Variants in ACOXL observed in about 807,000 individuals in gnomAD.
ACOXL encodes the protein acyl-CoA oxidase like, also known as acyl-coenzyme A oxidase-like protein.
A neutral mutation model predicts 71.9 loss-of-function variants in ACOXL; 70 were observed. That is an observed-to-expected ratio of 0.97 (90% CI 0.80 to 1.19). The LOEUF (loss-of-function observed/expected upper bound fraction) is 1.19. ACOXL is among the 50% of genes most tolerant of loss of function. The pLI is 0.00. For synonymous variants in ACOXL, 253 were observed against 281.6 expected, an observed-to-expected ratio of 0.90 and a Z score of 1.02; for missense variants, 703 against 736.3, an observed-to-expected ratio of 0.95 and a Z score of 0.52.
chr2:111,048,192 C>T (rs1487308846), intron 15 of ACOXL, among the ~76,000 whole-genome samples: 4 of 152,114 alleles, frequency 2.6e-5, no homozygotes, highest in East Asian at 3.9e-4. Context: ...TGGGATGGGA[C>T]CAGAGGGCAA....
intron 14 of ACOXL, among the ~76,000 whole-genome samples, chr2:111,001,747 C>T (rs111295614): frequency 1.3e-5 from 2 of 152,306 alleles, no homozygotes; most frequent in African/African-American, 4.8e-5. Context: ...AGGATCTGTA[C>T]TTAAGGAATA....
chr2:110,815,846 G>A (rs1225433987), intron 9 of ACOXL, among the ~76,000 whole-genome samples: 1 of 152,176 alleles, frequency 6.6e-6, no homozygotes, highest in Non-Finnish European at 1.5e-5. Flanking sequence ...GTCTTGCTTG[G>A]GGTGCCTCAC....
intron 12 of ACOXL, among the ~76,000 whole-genome samples, chr2:110,937,022 CT>C (rs1186927210): frequency 6.6e-6 from 1 of 151,984 alleles, no homozygotes; most frequent in Non-Finnish European, 1.5e-5. Context: ...AATTTTTGTA[CT>C]TTTAGTAGAG....
intron 10 of ACOXL, among the ~76,000 whole-genome samples, chr2:110,849,706 C>T (rs974048814): frequency 3.9e-5 from 6 of 152,076 alleles, no homozygotes; most frequent in East Asian, 1.9e-4. Flanking sequence ...TGCAGTGAGC[C>T]GCGATTGCAC....
rs749963132 is a variant in ACOXL, at chr2:110,852,699, C to T, written c.788+11294C>T. Among the ~76,000 whole-genome samples the T allele has an allele frequency of 5.3e-5, 8 of 152,156 alleles. 1 individual carries two copies. In the South Asian group the frequency reaches 6.2e-4, roughly 12 times the overall value. ...CTGGAGGGGCAGCACAAACCCTGTTCGCTGTGGCCAATGCAGAAGGAGTTG... is the reference window on the plus strand; with the variant it reads ...CTGGAGGGGCAGCACAAACCCTGTTTGCTGTGGCCAATGCAGAAGGAGTTG... On this transcript the variant is annotated intron_variant, in intron 10 of 17. Coordinates refer to ENST00000439055, the MANE Select transcript of ACOXL (RefSeq NM_001142807.4).
chr2:110,859,699 G>A (rs1693708920), intron 10 of ACOXL, among the ~76,000 whole-genome samples: 1 of 152,172 alleles, frequency 6.6e-6, no homozygotes. Context: ...CAAGAGGGTT[G>A]GATGGCAGAC....
At chr2:110,887,216 G>T (rs1697404083) in intron 10 of ACOXL, 1 of 206,230 alleles carries the variant, frequency 4.8e-6, no homozygotes, top group Non-Finnish European at 9.9e-6. Context: ...ATTACACAAT[G>T]CATCAAAATT....
rs187714072 is a variant in ACOXL at position 110,905,152 on chromosome 2, A to G, written c.789-3637A>G. Among the ~76,000 whole-genome samples the G allele has an allele frequency of 3.3e-4, 51 of 152,246 alleles. No individual in the cohort carries two copies. In the East Asian group the frequency reaches 9.9e-3, roughly 29 times the overall value. On this transcript the variant is annotated intron_variant, in intron 10 of 17. Coordinates refer to ENST00000439055, the MANE Select transcript of ACOXL (RefSeq NM_001142807.4). Reference sequence around the variant, plus strand: ...CAACATGAAATGCTCAGGGCATTCCAGGGAAAAGCAACTTCCTGCTTTGGT... The same window carrying G: ...CAACATGAAATGCTCAGGGCATTCCGGGGAAAAGCAACTTCCTGCTTTGGT...
At chr2:110,861,103 C>A (rs984987855) in intron 10 of ACOXL, among the ~76,000 whole-genome samples, 4 of 152,194 alleles carry the variant, frequency 2.6e-5, no homozygotes, top group African/African-American at 9.7e-5. Flanking sequence ...CACTGCACTC[C>A]TGCCTGGGCA....
At chr2:111,112,475 A>G (rs2070053747) in intron 17 of ACOXL, among the ~76,000 whole-genome samples, 1 of 152,248 alleles carries the variant, frequency 6.6e-6, no homozygotes, top group Admixed American at 6.5e-5. Flanking sequence ...TTAGTCAGGC[A>G]TAAGGACTAA....
At chr2:110,918,191 G>T (rs930814235) in intron 11 of ACOXL, among the ~76,000 whole-genome samples, 3 of 152,148 alleles carry the variant, frequency 2.0e-5, no homozygotes, top group African/African-American at 7.2e-5. Flanking sequence ...AAATAGCATG[G>T]TACTGGTACC....
chr2:110,881,806 T>C (rs965721626), intron 10 of ACOXL, among the ~76,000 whole-genome samples: 2 of 152,214 alleles, frequency 1.3e-5, no homozygotes, highest in African/African-American at 4.8e-5. Flanking sequence ...CATGTATCAG[T>C]AGTTAATTCC....
chr2:110,904,122 G>A (rs768202734), intron 10 of ACOXL, among the ~76,000 whole-genome samples: 1 of 152,196 alleles, frequency 6.6e-6, no homozygotes, highest in African/African-American at 2.4e-5. Flanking sequence ...CTTGGGGATT[G>A]TCAGGGTCTT....
At chr2:110,868,560 A>T (rs1406130515) in intron 10 of ACOXL, among the ~76,000 whole-genome samples, 5 of 152,074 alleles carry the variant, frequency 3.3e-5, no homozygotes, top group Admixed American at 6.5e-5. Context: ...CACACATCTT[A>T]TTCATTTTTC....
chr2:110,774,801 C>T (rs112793325), intron 2 of ACOXL, among the ~76,000 whole-genome samples: 7 of 152,118 alleles, frequency 4.6e-5, no homozygotes, highest in African/African-American at 1.2e-4. Flanking sequence ...ATGATTTTTG[C>T]GGAAATAGAA....
chr2:110,959,440 G>A (rs1016808434), intron 12 of ACOXL, among the ~76,000 whole-genome samples: 5 of 152,140 alleles, frequency 3.3e-5, no homozygotes, highest in Non-Finnish European at 5.9e-5. Context: ...CTTTAAGTGC[G>A]AAGTCTTTAT....
chr2:110,770,460 C>G (rs544027363), intron 2 of ACOXL, among the ~76,000 whole-genome samples: 28 of 152,334 alleles, frequency 1.8e-4, no homozygotes, highest in African/African-American at 6.3e-4. Flanking sequence ...CAGGCACCTC[C>G]ACGCTGACAA....
intron 1 of ACOXL, among the ~76,000 whole-genome samples, chr2:110,765,977 A>T (rs946914522): frequency 1.3e-5 from 2 of 152,198 alleles, no homozygotes; most frequent in African/African-American, 4.8e-5. Flanking sequence ...TTTCAGTTCT[A>T]TGAGTTCCAT....
At chr2:111,116,697 G>A (rs1050693300) in intron 17 of ACOXL, among the ~76,000 whole-genome samples, 6 of 152,060 alleles carry the variant, frequency 3.9e-5, no homozygotes, top group Non-Finnish European at 8.8e-5. Context: ...TTTACCACTG[G>A]CCGAAAACTT....
Sources: gnomAD v4.1 joint callset for allele counts (sites outside exome capture counted in the v4.1 genomes callset) on GRCh38, gnomAD v4.1.1 for gene constraint, MANE v1.5 for transcripts, NCBI Gene and HGNC (gene_info 2026-07-23, HGNC 2026-07-21) for gene names.